The following KCNJ11 variants were observed in gnomAD, a reference collection of about 807,000 sequenced individuals.
KCNJ11 encodes the protein potassium inwardly rectifying channel subfamily J member 11.
In KCNJ11, 12 loss-of-function variants were observed where a neutral mutation model predicts 17.3. The ratio of observed to expected loss-of-function variants is 0.69; its 90% CI spans 0.44 to 1.12. KCNJ11 has a LOEUF of 1.12. KCNJ11 is among the 50% of genes most tolerant of loss of function. The pLI is 0.00. For synonymous variants in KCNJ11, 211 were observed against 223.4 expected (o/e 0.94, Z 0.50); for missense variants, 386 against 554.1 (o/e 0.70, Z 3.05).
At position 17,387,190 on chromosome 11, in the gene KCNJ11, C is replaced by A. The variant is rs74339576; in HGVS notation, c.902G>T (p.Arg301Leu). The A allele has an allele frequency of 1.2e-6, 2 of 1,614,194 alleles. No homozygotes were observed. The highest frequency in any genetic ancestry group is 1.3e-5 in the African/African-American group (1 of 75,054). The change falls in exon 1 of 1, where the codon CGC becomes CTC. Residue 301 changes from arginine to leucine, a missense_variant. Coordinates refer to ENST00000339994, the MANE Select transcript of KCNJ11 (RefSeq NM_000525.4). ...GATCTCATCGGCCAGGTAGGAGGTG[C>A]GGGCCTGGGTGGTGATGCCCGTGGT... ...VETTGITTQARTSYLADEILW... is the reference protein window; with the variant it reads ...VETTGITTQALTSYLADEILW...
chr11:17,388,169 T>G lies in KCNJ11; in HGVS notation c.-78A>C. Reference sequence around the variant, plus strand: ...CGTGGCCTAGGGCCTCACTGCAGAGTCCTCTCGGTGGGCACCTTCTCACCC... The same window carrying G: ...CGTGGCCTAGGGCCTCACTGCAGAGGCCTCTCGGTGGGCACCTTCTCACCC... On this transcript the variant is annotated 5_prime_UTR_variant, in exon 1 of 1. Transcript: ENST00000339994. 2.3e-6 allele frequency: 3 copies of G among 1,330,740 alleles called. No homozygotes were observed. Among genetic ancestry groups the G allele is most frequent in the Non-Finnish European group, 3.2e-6 (3 of 945,702 alleles). The allele number at this position is 1,330,740 out of a possible 1,614,324, so 82.4% of individuals were successfully genotyped here.
In KCNJ11 at chr11:17,388,184, C is replaced by T; in HGVS notation, c.-93G>A. ...CACTGCAGAGTCCTCTCGGTGGGCA[C>T]CTTCTCACCCTGGGGCTGCACTCAG... is the stretch of plus-strand genomic sequence containing the variant. On this transcript the variant is annotated 5_prime_UTR_variant, in exon 1 of 1. The change creates a new upstream start codon in the 5' untranslated region. Transcript: ENST00000339994. The T allele has an allele frequency of 9.2e-7, 1 of 1,090,924 alleles. No homozygotes were observed. The highest frequency in any genetic ancestry group is 1.4e-6 in the Non-Finnish European group (1 of 738,350). 67.6% of individuals were successfully genotyped at this position (1,090,924 alleles called of 1,614,324 possible).
Position 17,388,103 on chromosome 11 carries a change from C to T in KCNJ11, c.-12G>A. On this transcript the variant is annotated 5_prime_UTR_variant, in exon 1 of 1. Coordinates refer to ENST00000339994, the MANE Select transcript of KCNJ11 (RefSeq NM_000525.4). ...TTGCGGGACAGCATGGCTCCGGTGA[C>T]CCCCAGGGAGGGGCTTCCCCCATCG... The T allele has an allele frequency of 6.2e-7, 1 of 1,605,924 alleles. No individual in the cohort carries two copies. The highest frequency in any genetic ancestry group is 8.5e-7 in the Non-Finnish European group (1 of 1,176,830).
Position 17,387,812 on chromosome 11 carries a change from C to A in KCNJ11, c.280G>T (p.Ala94Ser). The change falls in exon 1 of 1, where the codon GCC becomes TCC. Residue 94 changes from alanine to serine, a missense_variant. Ala to Ser is a moderately conservative substitution (Grantham distance 99). Coordinates refer to ENST00000339994, the MANE Select transcript of KCNJ11 (RefSeq NM_000525.4). The part of the protein sequence containing the change: ...LLFAMAWWLI[A>S]FAHGDLAPSE... ...GGGGCCAGGTCACCGTGGGCGAAGG[C>A]GATGAGCCACCAGGCCATGGCGAAG... 6.2e-7 allele frequency: 1 copy of A among 1,614,068 alleles called. No homozygotes were observed. Among genetic ancestry groups the A allele is most frequent in the Non-Finnish European group, 8.5e-7 (1 of 1,180,008 alleles).
At chr11:17,388,691 G>A, upstream of KCNJ11, 1 of 329,274 alleles carries the variant, frequency 3.0e-6, no homozygotes, top group Non-Finnish European at 6.7e-6. Flanking sequence ...TCCTCCCCCA[G>A]CTTCCCCCAC....
rs1266231295 is a variant in KCNJ11 at position 17,387,565 on chromosome 11, C to A, written c.527G>T (p.Arg176Leu). ...CIFMKTAQAH[R>L]RAETLIFSKH... is the part of the protein sequence containing the mutation. Reference sequence around the variant, plus strand: ...GCTGAAGATGAGGGTCTCAGCCCTGCGGTGGGCTTGGGCAGTCTTCATGAA... The same window carrying A: ...GCTGAAGATGAGGGTCTCAGCCCTGAGGTGGGCTTGGGCAGTCTTCATGAA... The change falls in exon 1 of 1, where the codon CGC (arginine) becomes CTC (leucine). Residue 176 changes from arginine to leucine, a missense_variant. Arg to Leu is a moderately radical substitution (Grantham distance 102). Coordinates refer to ENST00000339994, the MANE Select transcript of KCNJ11 (RefSeq NM_000525.4). 2 of 1,613,150 alleles carry A rather than the reference C, an allele frequency of 1.2e-6. No individual in the cohort carries two copies. Among genetic ancestry groups the A allele is most frequent in the Non-Finnish European group, 1.7e-6 (2 of 1,179,912 alleles).
upstream of KCNJ11, chr11:17,389,084 G>C (rs1278123114): frequency 6.6e-6 from 1 of 152,328 alleles, no homozygotes; most frequent in African/African-American, 2.4e-5. Context: ...GGCTGACTCC[G>C]AGTCGCGGCC....
At chr11:17,389,060 G>A (rs377329470), upstream of KCNJ11, 33 of 170,040 alleles carry the variant, frequency 1.9e-4, 1 homozygote, top group East Asian at 5.9e-3. Flanking sequence ...CCGGACCTGC[G>A]CGCGACCCGG....
Position 17,387,100 on chromosome 11 carries a change from G to C in KCNJ11, c.992C>G (p.Ser331Cys), listed in dbSNP as rs763728797. 1.2e-6 allele frequency: 2 copies of C among 1,614,204 alleles called. No homozygotes were observed. Among genetic ancestry groups the C allele is most frequent in the Admixed American group, 3.3e-5 (2 of 60,034 alleles). ...EEDGRYSVDYSKFGNTVKVPT... is the reference protein window; with the variant it reads ...EEDGRYSVDYCKFGNTVKVPT... ...CACTTTGACGGTGTTGCCAAACTTG[G>C]AGTAGTCCACAGAGTAACGTCCGTC... The change falls in exon 1 of 1, where the codon TCC becomes TGC. Residue 331 changes from serine to cysteine, a missense_variant. By Grantham distance (112) the Ser-to-Cys change is moderately radical. Coordinates refer to ENST00000339994, the MANE Select transcript of KCNJ11 (RefSeq NM_000525.4).
chr11:17,387,970 T>G lies in KCNJ11; in HGVS notation c.122A>C (p.Asn41Thr). Residue 41 changes from asparagine (N) to threonine (T), a missense_variant, in exon 1 of 1, where the codon AAC (asparagine) becomes ACC (threonine). Coordinates refer to ENST00000339994, the MANE Select transcript of KCNJ11 (RefSeq NM_000525.4). ...GATGTTCTTGTGGGCCACGTTGCAG[T>G]TGCCTTTCTTGGACACAAAGCGGGC... ...RRARFVSKKG[N>T]CNVAHKNIRE... 1 of 1,613,478 alleles carries G rather than the reference T, an allele frequency of 6.2e-7. No individual in the cohort carries two copies. The highest frequency in any genetic ancestry group is 8.5e-7 in the Non-Finnish European group (1 of 1,179,424).
chr11:17,389,143 G>C (rs890997747), upstream of KCNJ11: 2 of 149,540 alleles, frequency 1.3e-5, no homozygotes, highest in African/African-American at 4.9e-5. Context: ...TCCGCGCCGG[G>C]TCCCGGCCCC....
In KCNJ11 at chr11:17,387,123, G is replaced by A. The variant is rs1272384074; in HGVS notation, c.969C>T (p.Asp323=). 9 of 1,614,098 alleles carry A rather than the reference G, an allele frequency of 5.6e-6. No homozygotes were observed. The highest frequency in any genetic ancestry group is 1.3e-5 in the African/African-American group (1 of 74,938). ...TGGAGTAGTCCACAGAGTAACGTCCGTCCTCCTCAGCTACAATGGGCACAA... is the reference window on the plus strand; with the variant it reads ...TGGAGTAGTCCACAGAGTAACGTCCATCCTCCTCAGCTACAATGGGCACAA... ...QRFVPIVAEE[D]GRYSVDYSKF... is the part of the protein sequence containing the mutation. Residue 323 remains aspartate, a synonymous_variant, in exon 1 of 1, where the codon GAC becomes GAT. Coordinates refer to ENST00000339994, the MANE Select transcript of KCNJ11 (RefSeq NM_000525.4).
In KCNJ11 at chr11:17,386,781, G is replaced by A. The variant is rs1267930724; in HGVS notation, c.*138C>T. 2.8e-6 allele frequency: 2 copies of A among 716,824 alleles called. No individual in the cohort carries two copies. The highest frequency in any genetic ancestry group is 4.6e-6 in the Non-Finnish European group (2 of 434,466). 44.4% of individuals were successfully genotyped at this position (716,824 alleles called of 1,614,324 possible). ...GAGGCCAGAAATAGCATAGTGACAA[G>A]TGCCTTGTAACACCCTGGATGAGCA... On this transcript the variant is annotated 3_prime_UTR_variant, in exon 1 of 1. Coordinates refer to ENST00000339994, the MANE Select transcript of KCNJ11 (RefSeq NM_000525.4).
chr11:17,386,823 C>G lies in KCNJ11; in HGVS notation c.*96G>C. 2.7e-6 allele frequency: 3 copies of G among 1,099,296 alleles called. No homozygotes were observed. The highest frequency in any genetic ancestry group is 3.9e-6 in the Non-Finnish European group (3 of 766,034). The allele number at this position is 1,099,296 out of a possible 1,614,324, so 68.1% of individuals were successfully genotyped here. A position where few individuals can be genotyped will look rare whatever the true frequency, so the allele number is the denominator to read the frequency against. ...GGATGAGCAGCAGGGGGAGGCTGAG[C>G]TGAGGCTGGCCCAGCCTCACACCAG... On this transcript the variant is annotated 3_prime_UTR_variant, in exon 1 of 1. Coordinates refer to ENST00000339994, the MANE Select transcript of KCNJ11 (RefSeq NM_000525.4).
Position 17,387,713 on chromosome 11 carries a change from C to A in KCNJ11, c.379G>T (p.Val127Phe). The A allele has an allele frequency of 6.2e-7, 1 of 1,614,128 alleles. No homozygotes were observed. Among genetic ancestry groups the A allele is most frequent in the African/African-American group, 1.3e-5 (1 of 75,044 alleles). The change falls in exon 1 of 1, where the codon GTC becomes TTC. Residue 127 changes from valine (V) to phenylalanine (F), a missense_variant. By Grantham distance (50) the Val-to-Phe change is conservative. Coordinates refer to ENST00000339994, the MANE Select transcript of KCNJ11 (RefSeq NM_000525.4). ...FSSAFLFSIE[V>F]QVTIGFGGRM... ...CCCCCAAAGCCAATAGTCACTTGGA[C>A]CTCAATGGAGAAAAGGAAGGCAGAC...
Position 17,387,249 on chromosome 11 carries a change from G to A in KCNJ11, c.843C>T (p.Leu281=), listed in dbSNP as rs116392938. Reference sequence around the variant, plus strand: ...CGCCTTCCAGGATGACGATGATCTCGAGGTCCTGGTGGTGGTGCAGGTCGC... The same window carrying A: ...CGCCTTCCAGGATGACGATGATCTCAAGGTCCTGGTGGTGGTGCAGGTCGC... ...APSDLHHHQD[L]EIIVILEGVV... is the part of the protein sequence containing the mutation. The change falls in exon 1 of 1, where the codon CTC becomes CTT. Residue 281 remains leucine, a synonymous_variant. Transcript: ENST00000339994. The A allele has an allele frequency of 2.2e-4, 356 of 1,614,186 alleles. 1 individual carries two copies. In the East Asian group the frequency reaches 2.9e-3, roughly 13 times the overall value.
chr11:17,388,274 CA>C lies in KCNJ11; in HGVS notation c.-184del, dbSNP rs1159412846. 2.1e-5 allele frequency: 13 copies of C among 620,516 alleles called. No homozygotes were observed. The highest frequency in any genetic ancestry group is 3.8e-5 in the Non-Finnish European group (13 of 345,648). 38.4% of individuals were successfully genotyped at this position (620,516 alleles called of 1,614,324 possible). ...CTCTTCCTTACCTCCACCTGGGTCC[CA>C]CTTCACTTCTTAATACCAGCCTCAG... On this transcript the variant is annotated 5_prime_UTR_variant, in exon 1 of 1. Coordinates refer to ENST00000339994, the MANE Select transcript of KCNJ11 (RefSeq NM_000525.4).
chr11:17,387,279 T>A lies in KCNJ11; in HGVS notation c.813A>T (p.Ala271=), dbSNP rs754512091. The stretch of plus-strand genomic sequence containing the variant: ...CCTGGTGGTGGTGCAGGTCGCTGGG[T>A]GCCAGGTCGTAGAGTGGGCTGTTGG... ...IDANSPLYDL[A]PSDLHHHQDL... Residue 271 remains alanine, a synonymous_variant, in exon 1 of 1, where the codon GCA becomes GCT. Transcript: ENST00000339994. 1.2e-6 allele frequency: 2 copies of A among 1,613,920 alleles called. No homozygotes were observed. The highest frequency in any genetic ancestry group is 1.7e-6 in the Non-Finnish European group (2 of 1,179,952).
At position 17,387,482 on chromosome 11, in the gene KCNJ11, C is replaced by T; in HGVS notation, c.610G>A (p.Asp204Asn). 6.2e-7 allele frequency: 1 copy of T among 1,612,314 alleles called. No individual in the cohort carries two copies. Among genetic ancestry groups the T allele is most frequent in the South Asian group, 1.1e-5 (1 of 91,068 alleles). ...CTGATGATCATGCTCTTGCGGAGGTCACCCACACGTAGCATGAAGCAGAGG... is the reference window on the plus strand; with the variant it reads ...CTGATGATCATGCTCTTGCGGAGGTTACCCACACGTAGCATGAAGCAGAGG... ...GRLCFMLRVGDLRKSMIISAT... is the reference protein window; with the variant it reads ...GRLCFMLRVGNLRKSMIISAT... The change falls in exon 1 of 1, where the codon GAC (aspartate) becomes AAC (asparagine). Residue 204 changes from aspartate to asparagine, a missense_variant. By Grantham distance (23) the Asp-to-Asn change is conservative. Transcript: ENST00000339994.
Sources: gnomAD v4.1 joint callset for allele counts on GRCh38, gnomAD v4.1.1 for gene constraint, MANE v1.5 for transcripts, NCBI Gene and HGNC (gene_info 2026-07-23, HGNC 2026-07-21) for gene names.